KCNN2: variants seen among roughly 807,000 people sequenced by gnomAD.
KCNN2 encodes small conductance calcium-activated potassium channel protein 2.
A neutral mutation model predicts 55.5 loss-of-function variants in KCNN2; 24 were observed. The ratio of observed to expected loss-of-function variants is 0.43; its 90% confidence interval spans 0.31 to 0.61. The LOEUF (loss-of-function observed/expected upper bound fraction) is 0.61. Among genes scored for constraint, KCNN2 ranks in the 20% least tolerant of loss-of-function variants. The probability of loss-of-function intolerance (pLI) is 0.08; values close to 1 mark genes in which losing one functional copy is unlikely to be tolerated. For synonymous variants in KCNN2, 431 were observed against 336.1 expected, an observed-to-expected ratio of 1.28 and a Z score of -3.09; for missense variants, 754 against 853.6, an observed-to-expected ratio of 0.88 and a Z score of 1.45.
intron 2 of KCNN2, among the ~76,000 whole-genome samples, chr5:114,366,783 T>C (rs1219532930): frequency 6.6e-6 from 1 of 152,272 alleles, no homozygotes; most frequent in African/African-American, 2.4e-5. Context: ...TAATGAGCAC[T>C]TCTCAGCTCA....
In KCNN2 at chr5:114,362,183, A is replaced by AGCCGCC. The variant is rs566655645; in HGVS notation, c.56_61dup (p.Pro19_Pro20dup). 10 of 172,952 alleles carry AGCCGCC rather than the reference A, an allele frequency of 5.8e-5. No individual in the cohort carries two copies. The South Asian group carries it at 7.0e-4, about 12-fold the overall frequency. 10.7% of individuals were successfully genotyped at this position (172,952 alleles called of 1,614,324 possible). ...TTCCAGCGCGGCTTCTTCCCAGAGC[A>AGCCGCC]GCCGCCGCCGCCGCCGCGCTCCTCA... On this transcript the variant is annotated inframe_insertion, in exon 1 of 8. Coordinates refer to ENST00000673685, the MANE Select transcript of KCNN2 (RefSeq NM_021614.4).
chr5:114,473,099 C>T lies in KCNN2; in HGVS notation c.1825C>T (p.Leu609=). ...GGTGGTAGCTGTAGTGGCAAGGAAGCTAGAACTTACCAAAGCAGAAAAACA... is the reference window on the plus strand; with the variant it reads ...GGTGGTAGCTGTAGTGGCAAGGAAGTTAGAACTTACCAAAGCAGAAAAACA... ...ALVVAVVARK[L]ELTKAEKHVH... is the part of the protein sequence containing the mutation. Residue 609 remains leucine, a synonymous_variant, in exon 5 of 8, where the codon CTA becomes TTA. Transcript: ENST00000673685. 6.2e-7 allele frequency: 1 copy of T among 1,612,688 alleles called. No homozygotes were observed. The highest frequency in any genetic ancestry group is 8.5e-7 in the Non-Finnish European group (1 of 1,179,392).
At chr5:114,410,642 A>G (rs541512532) in intron 3 of KCNN2, among the ~76,000 whole-genome samples, 1 of 152,166 alleles carries the variant, frequency 6.6e-6, no homozygotes, top group South Asian at 2.1e-4. Context: ...TAGGTTTGTA[A>G]TGCTGTGTTA....
chr5:114,206,166 T>A (rs13164637), intron 1 of KCNN2, among the ~76,000 whole-genome samples: 2 of 152,164 alleles, frequency 1.3e-5, no homozygotes, highest in Admixed American at 6.5e-5. Context: ...AAAAGACTAC[T>A]TAAATTCAAT....
At chr5:114,283,509 A>T (rs889341810) in intron 2 of KCNN2, among the ~76,000 whole-genome samples, 2 of 152,118 alleles carry the variant, frequency 1.3e-5, no homozygotes, top group Admixed American at 6.6e-5. Context: ...ATGGTTTGCA[A>T]ATATAGATTT....
intron 2 of KCNN2, among the ~76,000 whole-genome samples, chr5:114,285,413 G>A (rs2150014876): frequency 6.6e-6 from 1 of 152,054 alleles, no homozygotes; most frequent in South Asian, 2.1e-4. Flanking sequence ...GTGTGCAAGT[G>A]GTTTAATAAT....
chr5:114,089,870 T>G (rs1415810857), intron 1 of KCNN2, among the ~76,000 whole-genome samples: 2 of 152,198 alleles, frequency 1.3e-5, no homozygotes, highest in Non-Finnish European at 2.9e-5. Context: ...CTGATCTCCC[T>G]TTTATATACT....
chr5:114,127,920 A>C (rs184734768), intron 1 of KCNN2, among the ~76,000 whole-genome samples: 88 of 152,218 alleles, frequency 5.8e-4, no homozygotes, highest in Admixed American at 1.0e-3. Context: ...CCTTTATTCC[A>C]GTTCCCAACA....
chr5:114,487,015 GA>G, intron 5 of KCNN2, 34 bp from the exon 6 acceptor site: 1 of 1,611,042 alleles, frequency 6.2e-7, no homozygotes, highest in South Asian at 1.1e-5. Context: ...TTCTGCTCTG[GA>G]ATTTATCAAC....
At chr5:114,388,312 G>T (rs1315646682) in intron 2 of KCNN2, among the ~76,000 whole-genome samples, 5 of 152,048 alleles carry the variant, frequency 3.3e-5, no homozygotes, top group Non-Finnish European at 7.4e-5. Context: ...CATTTTAGAT[G>T]TTATGCAATT....
intron 2 of KCNN2, among the ~76,000 whole-genome samples, chr5:114,225,071 C>A (rs926830578): frequency 2.0e-5 from 3 of 152,028 alleles, no homozygotes; most frequent in Non-Finnish European, 2.9e-5. Context: ...GACTTTATAC[C>A]TGAAAAGGTT....
chr5:114,490,246 C>A (rs1302753994), intron 6 of KCNN2, among the ~76,000 whole-genome samples: 3 of 152,156 alleles, frequency 2.0e-5, no homozygotes, highest in African/African-American at 7.2e-5. Flanking sequence ...GGATTACCTG[C>A]CTTTCAGAAA....
At chr5:114,300,866 T>TA (rs1352409818) in intron 2 of KCNN2, among the ~76,000 whole-genome samples, 1 of 152,210 alleles carries the variant, frequency 6.6e-6, no homozygotes, top group African/African-American at 2.4e-5. Flanking sequence ...TCCTGAATTT[T>TA]AGCGCTATCC....
chr5:114,084,779 G>T (rs1187868245), intron 1 of KCNN2, among the ~76,000 whole-genome samples: 2 of 151,866 alleles, frequency 1.3e-5, no homozygotes, highest in East Asian at 1.9e-4. Flanking sequence ...TTTTCTTTGA[G>T]AAATTTTACG....
intron 3 of KCNN2, among the ~76,000 whole-genome samples, chr5:114,443,329 G>A (rs1760288851): frequency 6.6e-6 from 1 of 151,724 alleles, no homozygotes; most frequent in African/African-American, 2.4e-5. Context: ...AAAAAAAGAG[G>A]CTTAAGAACA....
intron 1 of KCNN2, among the ~76,000 whole-genome samples, chr5:114,080,589 A>T (rs1307480954): frequency 6.6e-6 from 1 of 151,598 alleles, no homozygotes; most frequent in Non-Finnish European, 1.5e-5. Context: ...TTGTAATCTG[A>T]TCATCTCAAT....
chr5:114,367,712 A>G (rs780046672), intron 2 of KCNN2, among the ~76,000 whole-genome samples: 7 of 152,050 alleles, frequency 4.6e-5, no homozygotes, highest in Non-Finnish European at 8.8e-5. Context: ...TGGATAAAGT[A>G]CAAAACGGAG....
chr5:114,431,016 C>G (rs1171317645), intron 3 of KCNN2, among the ~76,000 whole-genome samples: 1 of 152,042 alleles, frequency 6.6e-6, no homozygotes. Context: ...ATTTTTGCAT[C>G]TACATTCATG....
rs1561587343 is a variant in KCNN2 at position 114,362,996 on chromosome 5, A to G, written c.857A>G (p.Asn286Ser). 6.3e-7 allele frequency: 1 copy of G among 1,594,214 alleles called. No homozygotes were observed. The highest frequency in any genetic ancestry group is 8.5e-7 in the Non-Finnish European group (1 of 1,174,800). The change falls in exon 1 of 8, where the codon AAC (asparagine) becomes AGC (serine). Residue 286 changes from asparagine (N) to serine (S), a missense_variant. Around this residue, in one of 4 missense-constraint regions of KCNN2, gnomAD observed 381 missense variants for 259.1 expected, o/e 1.47. Coordinates refer to ENST00000673685, the MANE Select transcript of KCNN2 (RefSeq NM_021614.4). ...PEIVVSKPEH[N>S]NSNNLALYGT... is the part of the protein sequence containing the mutation. Reference sequence around the variant, plus strand: ...ATCGTGGTGTCTAAGCCCGAGCACAACAACTCCAACAACCTGGCGCTCTAT... The same window carrying G: ...ATCGTGGTGTCTAAGCCCGAGCACAGCAACTCCAACAACCTGGCGCTCTAT...
Sources: allele counts gnomAD v4.1 joint callset (sites outside exome capture counted in the v4.1 genomes callset), GRCh38; gene constraint gnomAD v4.1.1; regional missense constraint gnomAD v4.1.1; transcripts MANE v1.5; gene names NCBI Gene and HGNC (gene_info 2026-07-23, HGNC 2026-07-21).